The following RORB variants were observed in gnomAD, a reference collection of about 807,000 sequenced individuals.
RORB encodes the protein RAR related orphan receptor B.
A neutral mutation model predicts 59.1 loss-of-function variants in RORB; 6 were observed. The ratio of observed to expected loss-of-function variants is 0.10; its 90% CI spans 0.06 to 0.20. RORB has a LOEUF of 0.20. Ranked by LOEUF, RORB falls within the 10% of genes least tolerant of loss-of-function variation. The probability of loss-of-function intolerance (pLI) is 1.00; values close to 1 mark genes in which losing one functional copy is unlikely to be tolerated. For missense variants in RORB, 320 were observed against 560.5 expected (o/e 0.57, Z 4.33); for synonymous variants, 215 against 204.5 (o/e 1.05, Z -0.44).
Position 74,497,871 on chromosome 9 carries a change from T to C in RORB, c.-106T>C, listed in dbSNP as rs1587326003. 7.0e-6 allele frequency: 10 copies of C among 1,421,134 alleles called. No individual in the cohort carries two copies. Among genetic ancestry groups the C allele is most frequent in the Non-Finnish European group, 9.8e-6 (10 of 1,025,614 alleles). 88.0% of individuals were successfully genotyped at this position (1,421,134 alleles called of 1,614,324 possible). On this transcript the variant is annotated 5_prime_UTR_variant, in exon 1 of 10. Transcript: ENST00000376896. ...GATGGTTTTCTCGGCAGAGCAGCTCTTCGCCGACCACCTTCTTCACTCGTG... is the reference window on the plus strand; with the variant it reads ...GATGGTTTTCTCGGCAGAGCAGCTCCTCGCCGACCACCTTCTTCACTCGTG...
intron 1 of RORB, among the ~76,000 whole-genome samples, chr9:74,592,459 G>A (rs1409971089): frequency 6.6e-6 from 1 of 152,158 alleles, no homozygotes. Flanking sequence ...AAAGAACCAA[G>A]GGCATAGAGA....
rs545990784 is a variant in RORB, at chr9:74,541,181, G to A, written c.7+43198G>A. ...TGTAATCTCAGCTACTCAGGAGGCT[G>A]AGGCACGAAAATCACTTGAACCTTG... On this transcript the variant is annotated intron_variant, in intron 1 of 9. Transcript: ENST00000376896. 5.0e-4 allele frequency among the ~76,000 whole-genome samples: 74 copies of A among 147,146 alleles called. 1 individual carries two copies. The highest frequency in any genetic ancestry group is 8.5e-4 in the Non-Finnish European group (57 of 67,364).
chr9:74,591,211 TA>T (rs1822886453), intron 1 of RORB, among the ~76,000 whole-genome samples: 1 of 152,212 alleles, frequency 6.6e-6, no homozygotes. Context: ...TGAGTTTTTG[TA>T]AAAAGGACCT....
At position 74,691,446 on chromosome 9, in the gene RORB, G is replaced by A. The variant is rs1449805401; in HGVS notation, c.*5828G>A. The A allele has an allele frequency of 6.6e-6, 1 of 152,146 alleles. No homozygotes were observed. 9.4% of individuals were successfully genotyped at this position (152,146 alleles called of 1,614,324 possible). The stretch of plus-strand genomic sequence containing the variant: ...CCCACATCCAAGCACAGTACCGTCT[G>A]CTTCATCTGATTAACACACACACAA... On this transcript the variant is annotated 3_prime_UTR_variant, in exon 10 of 10. Transcript: ENST00000376896.
At chr9:74,594,748 C>T (rs558094037) in intron 1 of RORB, among the ~76,000 whole-genome samples, 26 of 151,768 alleles carry the variant, frequency 1.7e-4, no homozygotes, top group Admixed American at 6.6e-4. Flanking sequence ...CACACAAACA[C>T]ACATATAAAA....
At chr9:74,541,279 C>CAAAAAAAAAAAAAAAAAAAAAAAAAAA (rs374556016) in intron 1 of RORB, among the ~76,000 whole-genome samples, 2 of 43,614 alleles carry the variant, frequency 4.6e-5, no homozygotes, top group African/African-American at 1.6e-4. Context: ...GACTCCATCT[C>CAAAAAAAAAAAAAAAAAAAAAAAAAAA]AAAAAAAAAA....
At chr9:74,503,424 A>G (rs1277835303) in intron 1 of RORB, among the ~76,000 whole-genome samples, 3 of 152,068 alleles carry the variant, frequency 2.0e-5, no homozygotes, top group Non-Finnish European at 4.4e-5. Flanking sequence ...GAGAGAGAAA[A>G]TCATTCTTAT....
intron 9 of RORB, among the ~76,000 whole-genome samples, chr9:74,675,643 C>A (rs1824425065): frequency 6.6e-6 from 1 of 152,142 alleles, no homozygotes; most frequent in Admixed American, 6.5e-5. Flanking sequence ...GTACTCATTG[C>A]ACTATGGTCA....
At chr9:74,654,334 GA>G (rs1288167138) in intron 4 of RORB, among the ~76,000 whole-genome samples, 8 of 460 alleles carry the variant, frequency 0.017, no homozygotes, top group East Asian at 0.25. Context: ...AGTCTCAGGG[GA>G]GAGAGAGAGA....
At chr9:74,575,426 T>C (rs904848409) in intron 1 of RORB, among the ~76,000 whole-genome samples, 1 of 152,000 alleles carries the variant, frequency 6.6e-6, no homozygotes, top group African/African-American at 2.4e-5. Flanking sequence ...TCTCTTCACC[T>C]GAGCACTTCA....
intron 4 of RORB, among the ~76,000 whole-genome samples, chr9:74,651,835 A>C (rs1587406586): frequency 1.3e-5 from 2 of 152,296 alleles, no homozygotes; most frequent in South Asian, 4.1e-4. Flanking sequence ...TTTTACTGTA[A>C]AACTTCACTT....
At chr9:74,567,704 TCC>T (rs1459681271) in intron 1 of RORB, among the ~76,000 whole-genome samples, 1 of 152,164 alleles carries the variant, frequency 6.6e-6, no homozygotes. Flanking sequence ...GAGACTTTGT[TCC>T]CACTCGTAAG....
chr9:74,684,255 T>G (rs1824598052), intron 9 of RORB, among the ~76,000 whole-genome samples: 1 of 152,236 alleles, frequency 6.6e-6, no homozygotes, highest in African/African-American at 2.4e-5. Flanking sequence ...AGGCAACTAA[T>G]TATCTATTTC....
intron 6 of RORB, among the ~76,000 whole-genome samples, chr9:74,663,981 C>T (rs1331374440): frequency 6.6e-6 from 1 of 152,030 alleles, no homozygotes. Context: ...GTCATGAAGC[C>T]CCACCCAGAT....
At chr9:74,577,812 C>T (rs898363649) in intron 1 of RORB, among the ~76,000 whole-genome samples, 1 of 151,988 alleles carries the variant, frequency 6.6e-6, no homozygotes, top group Non-Finnish European at 1.5e-5. Context: ...GTATAAAATG[C>T]CTGACACACT....
At chr9:74,523,516 C>A (rs1199103495) in intron 1 of RORB, among the ~76,000 whole-genome samples, 1 of 151,876 alleles carries the variant, frequency 6.6e-6, no homozygotes, top group African/African-American at 2.4e-5. Context: ...TCTGTATTTA[C>A]AAGCCATGGA....
intron 1 of RORB, among the ~76,000 whole-genome samples, chr9:74,544,349 C>T (rs10217594): frequency 0.27 from 41,367 of 152,068 alleles, 5,854 homozygotes; most frequent in Admixed American, 0.37. Context: ...TTCCAGAGAC[C>T]ACAGGATGTC....
chr9:74,505,442 A>G (rs1339131033), intron 1 of RORB, among the ~76,000 whole-genome samples: 1 of 152,120 alleles, frequency 6.6e-6, no homozygotes, highest in East Asian at 1.9e-4. Context: ...ATAAAAAGAA[A>G]TGTACATGAC....
intron 3 of RORB, among the ~76,000 whole-genome samples, chr9:74,636,684 A>G (rs1450003977): frequency 6.6e-6 from 1 of 151,478 alleles, no homozygotes; most frequent in Non-Finnish European, 1.5e-5. Flanking sequence ...GACAATCCTG[A>G]GGCTGCCGGG....
Sources: gnomAD v4.1 joint callset for allele counts (sites outside exome capture counted in the v4.1 genomes callset) on GRCh38, gnomAD v4.1.1 for gene constraint, MANE v1.5 for transcripts, NCBI Gene and HGNC (gene_info 2026-07-23, HGNC 2026-07-21) for gene names.